PDCD10: variants seen among roughly 807,000 people sequenced by gnomAD.
The protein encoded by PDCD10 is programmed cell death 10, also known as programmed cell death protein 10.
Under a neutral mutation model 29.2 loss-of-function variants are expected in PDCD10, and 4 were observed. The ratio of observed to expected loss-of-function variants is 0.14; its 90% confidence interval spans 0.07 to 0.31. The LOEUF is 0.31. Among genes scored for constraint, PDCD10 ranks in the 10% least tolerant of loss-of-function variants. PDCD10 has a pLI of 1.00. For synonymous variants in PDCD10, 70 were observed against 82.2 expected (o/e 0.85, Z 0.80); for missense variants, 183 against 257.9 (o/e 0.71, Z 1.99).
intron 2 of PDCD10, among the ~76,000 whole-genome samples, chr3:167,724,542 A>G (rs975313864): frequency 1.3e-5 from 2 of 152,228 alleles, no homozygotes; most frequent in African/African-American, 4.8e-5. Context: ...CAATAGAGAC[A>G]TTACAGTCAG....
chr3:167,689,272 G>C (rs1308256705), intron 6 of PDCD10, among the ~76,000 whole-genome samples: 2 of 152,068 alleles, frequency 1.3e-5, no homozygotes, highest in African/African-American at 4.8e-5. Context: ...GCTGTCATAG[G>C]ACTATTCTGT....
intron 4 of PDCD10, among the ~76,000 whole-genome samples, chr3:167,703,371 C>T (rs993495634): frequency 6.6e-6 from 1 of 151,962 alleles, no homozygotes; most frequent in Non-Finnish European, 1.5e-5. Context: ...ATGTACTCAC[C>T]TTGAATCACA....
At chr3:167,717,659 T>A (rs1723153409) in intron 3 of PDCD10, among the ~76,000 whole-genome samples, 1 of 152,040 alleles carries the variant, frequency 6.6e-6, no homozygotes, top group Non-Finnish European at 1.5e-5. Context: ...AAACACCTCA[T>A]ATTTGAAGGA....
intron 2 of PDCD10, among the ~76,000 whole-genome samples, chr3:167,723,385 G>A (rs960527090): frequency 6.6e-6 from 1 of 152,090 alleles, no homozygotes; most frequent in African/African-American, 2.4e-5. Context: ...CCCGGCAGCT[G>A]GGTAGCACAT....
At chr3:167,723,632 AT>A (rs1723802977) in intron 2 of PDCD10, among the ~76,000 whole-genome samples, 1 of 152,234 alleles carries the variant, frequency 6.6e-6, no homozygotes, top group Non-Finnish European at 1.5e-5. Context: ...TAATGTTGGT[AT>A]GATAACAACA....
intron 2 of PDCD10, among the ~76,000 whole-genome samples, chr3:167,725,786 T>G (rs1358650245): frequency 8.7e-6 from 1 of 114,634 alleles, no homozygotes; most frequent in Non-Finnish European, 1.7e-5. Flanking sequence ...TATATATATA[T>G]ATATATATAT....
chr3:167,703,810 C>T (rs1429345595), intron 4 of PDCD10, among the ~76,000 whole-genome samples: 3 of 151,816 alleles, frequency 2.0e-5, no homozygotes, highest in African/African-American at 7.3e-5. Context: ...TAAGCGGCCA[C>T]ATTTAAAAAA....
intron 6 of PDCD10, among the ~76,000 whole-genome samples, chr3:167,695,225 C>T (rs988521541): frequency 4.6e-5 from 7 of 152,150 alleles, no homozygotes; most frequent in Non-Finnish European, 7.4e-5. Context: ...CCTAAGAGTA[C>T]GTTACTTACC....
At chr3:167,701,831 T>C (rs114459431) in intron 4 of PDCD10, among the ~76,000 whole-genome samples, 3,068 of 152,240 alleles carry the variant, frequency 0.02, 63 homozygotes, top group Non-Finnish European at 0.024. Flanking sequence ...TGTGTCCACA[T>C]GTTGTGCATG....
intron 3 of PDCD10, among the ~76,000 whole-genome samples, chr3:167,718,759 G>A (rs1025206693): frequency 2.6e-5 from 4 of 151,316 alleles, no homozygotes; most frequent in African/African-American, 9.7e-5. Flanking sequence ...CTTGTATGCT[G>A]AGGTGACCTT....
At chr3:167,710,352 G>A (rs549993471) in intron 3 of PDCD10, among the ~76,000 whole-genome samples, 74 of 152,230 alleles carry the variant, frequency 4.9e-4, no homozygotes, top group South Asian at 1.9e-3. Flanking sequence ...TGAAGCTCAG[G>A]CTCGGCAGCA....
intron 8 of PDCD10, among the ~76,000 whole-genome samples, chr3:167,684,839 T>TA (rs1479507826): frequency 1.3e-5 from 2 of 152,104 alleles, no homozygotes; most frequent in East Asian, 3.9e-4. Context: ...TTTATCTCCT[T>TA]AAAAAAAGGT....
intron 3 of PDCD10, among the ~76,000 whole-genome samples, chr3:167,708,621 T>C (rs976896181): frequency 2.6e-5 from 4 of 152,158 alleles, no homozygotes; most frequent in African/African-American, 4.8e-5. Context: ...ACAAGCTTGC[T>C]AGAAAGACAG....
chr3:167,709,430 G>A (rs1000601738), intron 3 of PDCD10, among the ~76,000 whole-genome samples: 13 of 152,104 alleles, frequency 8.5e-5, no homozygotes, highest in African/African-American at 2.9e-4. Context: ...GCACTTGGGT[G>A]GAGAGAGCAC....
Position 167,710,329 on chromosome 3 carries a change from T to C in PDCD10, c.97-5434A>G, listed in dbSNP as rs545117145. Among the ~76,000 whole-genome samples the C allele has an allele frequency of 1.3e-3, 203 of 152,208 alleles. 2 individuals carry two copies. The highest frequency in any genetic ancestry group is 0.012 in the Admixed American group (189 of 15,292). On this transcript the variant is annotated intron_variant, in intron 3 of 8. Transcript: ENST00000392750. ...CTGTCCTGGCCCAGAGAGGAGCCCATTGTCCTGAAGAGTGAAGCTCAGGCT... is the reference window on the plus strand; with the variant it reads ...CTGTCCTGGCCCAGAGAGGAGCCCACTGTCCTGAAGAGTGAAGCTCAGGCT...
At chr3:167,700,162 A>C (rs1178911037) in intron 4 of PDCD10, among the ~76,000 whole-genome samples, 1 of 152,216 alleles carries the variant, frequency 6.6e-6, no homozygotes, top group Non-Finnish European at 1.5e-5. Flanking sequence ...ATAAGTTTGA[A>C]GCCACCTCCT....
In PDCD10 at chr3:167,726,121, T is replaced by G. The variant is rs919381435; in HGVS notation, c.-116-5848A>C. ...CATATTTTGTAGAGTACTGTTTTTT[T>G]TTTTTTTTTTTTTTTTTGAGACAGA... On this transcript the variant is annotated intron_variant, in intron 2 of 8. Coordinates refer to ENST00000392750, the MANE Select transcript of PDCD10 (RefSeq NM_007217.4). Among the ~76,000 whole-genome samples the G allele has an allele frequency of 4.6e-5, 6 of 131,838 alleles. 1 individual carries two copies. In the South Asian group the frequency reaches 1.5e-3, roughly 34 times the overall value. 86.5% of individuals were successfully genotyped at this position (131,838 alleles called of 152,430 possible). A position where few individuals can be genotyped will look rare whatever the true frequency, so the allele number is the denominator to read the frequency against.
rs2108361518 is a variant in PDCD10, at chr3:167,683,693, T to A, written c.*615A>T. The A allele has an allele frequency of 6.6e-6, 1 of 151,902 alleles. No individual in the cohort carries two copies. The highest frequency in any genetic ancestry group is 2.1e-4 in the South Asian group (1 of 4,822). 9.4% of individuals were successfully genotyped at this position (151,902 alleles called of 1,614,324 possible). A position where few individuals can be genotyped will look rare whatever the true frequency, so the allele number is the denominator to read the frequency against. On this transcript the variant is annotated 3_prime_UTR_variant, in exon 9 of 9. Coordinates refer to ENST00000392750, the MANE Select transcript of PDCD10 (RefSeq NM_007217.4). ...AAAATACTCAGTACCTTATAAGTAATTAACAAAAATATTTCCATTGACTAC... is the reference window on the plus strand; with the variant it reads ...AAAATACTCAGTACCTTATAAGTAAATAACAAAAATATTTCCATTGACTAC...
At chr3:167,704,687 T>C in intron 4 of PDCD10, 155 bp downstream of exon 4, 1 of 588,804 alleles carries the variant, frequency 1.7e-6, no homozygotes, top group East Asian at 2.9e-5. Context: ...GTTTATCTTT[T>C]GGAAGTGTTT....
Sources: gnomAD v4.1 joint callset for allele counts (sites outside exome capture counted in the v4.1 genomes callset) on GRCh38, gnomAD v4.1.1 for gene constraint, MANE v1.5 for transcripts, NCBI Gene and HGNC (gene_info 2026-07-23, HGNC 2026-07-21) for gene names.